Variants in CLPSL1 observed in about 807,000 individuals in gnomAD.
CLPSL1 encodes the protein colipase like 1.
CLPSL1 carries 13 observed loss-of-function variants against 9.3 expected under a neutral mutation model. That is an observed-to-expected ratio of 1.40 (90% CI 0.91 to 2.22). CLPSL1 has a LOEUF of 2.22. Among genes scored for constraint, CLPSL1 ranks in the 30% most tolerant of loss-of-function variants. The probability of loss-of-function intolerance (pLI) is 0.00; values close to 1 mark genes in which losing one functional copy is unlikely to be tolerated. For synonymous variants in CLPSL1, 58 were observed against 56.9 expected, an observed-to-expected ratio of 1.02 and a Z score of -0.08; for missense variants, 164 against 146.6, an observed-to-expected ratio of 1.12 and a Z score of -0.61.
At chr6:35,785,302 C>T (rs1397248913) in intron 1 of CLPSL1, among the ~76,000 whole-genome samples, 5 of 151,676 alleles carry the variant, frequency 3.3e-5, no homozygotes, top group African/African-American at 9.7e-5. Flanking sequence ...CTCAGCCTCC[C>T]AAGTAGCTGG....
rs1306130699 is a variant in CLPSL1 at position 35,787,150 on chromosome 6, G to A, written c.222+30G>A. 8 of 1,607,606 alleles carry A rather than the reference G, an allele frequency of 5.0e-6. No homozygotes were observed. The South Asian group carries it at 8.9e-5, about 18-fold the overall frequency. On this transcript the variant is annotated intron_variant, in intron 2 of 2. Transcript: ENST00000373861. Reference sequence around the variant, plus strand: ...GTATCGCCGCCCGGGGGGAGCCAGAGGGGATCCAGGGGAAGTGGGAGCCAG... The same window carrying A: ...GTATCGCCGCCCGGGGGGAGCCAGAAGGGATCCAGGGGAAGTGGGAGCCAG...
At chr6:35,787,753 C>T (rs1223640271) in intron 2 of CLPSL1, 114 bp from the exon 3 acceptor site, 2 of 1,003,392 alleles carry the variant, frequency 2.0e-6, no homozygotes, top group African/African-American at 1.6e-5. Flanking sequence ...TATCATTTAT[C>T]CCTGGATCCT....
chr6:35,791,093 G>C (rs115528048), downstream of CLPSL1, among the ~76,000 whole-genome samples: 3,100 of 151,868 alleles, frequency 0.02, 60 homozygotes, highest in African/African-American at 0.07. Context: ...ATTTTCAAAT[G>C]CCTTCTGCTC....
At chr6:35,792,273 C>CA (rs36018273), downstream of CLPSL1, among the ~76,000 whole-genome samples, 123 of 138,880 alleles carry the variant, frequency 8.9e-4, no homozygotes, top group Non-Finnish European at 9.5e-4. Context: ...GACCCTGTCT[C>CA]AAAAAAAAAA....
chr6:35,782,117 G>A (rs1040051614), intron 1 of CLPSL1, among the ~76,000 whole-genome samples: 25 of 152,122 alleles, frequency 1.6e-4, no homozygotes, highest in Admixed American at 6.6e-5. Flanking sequence ...TTTTAGCAAA[G>A]ACCTAAAGGG....
chr6:35,787,724 C>G (rs1355398754), intron 2 of CLPSL1, 143 bp from the exon 3 acceptor site: 7 of 796,756 alleles, frequency 8.8e-6, no homozygotes, highest in Non-Finnish European at 1.0e-5. Flanking sequence ...AGAGGTGCCA[C>G]TCTGAGCAGC....
chr6:35,793,150 G>A (rs567314200), downstream of CLPSL1, among the ~76,000 whole-genome samples: 4 of 152,384 alleles, frequency 2.6e-5, no homozygotes, highest in South Asian at 2.1e-4. Flanking sequence ...TGGTCCAGGT[G>A]CCATGGTTCA....
At chr6:35,787,273 G>C (rs1271751327) in intron 2 of CLPSL1, among the ~76,000 whole-genome samples, 153 bp downstream of exon 2, 8 of 152,276 alleles carry the variant, frequency 5.3e-5, no homozygotes, top group African/African-American at 1.9e-4. Flanking sequence ...AAGCCTTCTG[G>C]GGGAGCCTGT....
chr6:35,781,189 C>T lies in CLPSL1; in HGVS notation c.79C>T (p.Pro27Ser). ...LFLLTRGSLS[P>S]TKYNLLELKE... is the part of the protein sequence containing the mutation. ...CCTCCTCACCAGGGGCTCACTTTCTCCAACAAAATACAACCTTTTGGTAAG... is the reference window on the plus strand; with the variant it reads ...CCTCCTCACCAGGGGCTCACTTTCTTCAACAAAATACAACCTTTTGGTAAG... Residue 27 changes from proline to serine, a missense_variant, in exon 1 of 3, where the codon CCA becomes TCA. Pro to Ser is a moderately conservative substitution (Grantham distance 74, BLOSUM62 -1). Coordinates refer to ENST00000373861, the MANE Select transcript of CLPSL1 (RefSeq NM_001010886.5). 10 of 1,613,932 alleles carry T rather than the reference C, an allele frequency of 6.2e-6. No individual in the cohort carries two copies. The highest frequency in any genetic ancestry group is 6.8e-6 in the Non-Finnish European group (8 of 1,179,844).
chr6:35,784,319 G>A (rs1768027514), intron 1 of CLPSL1, among the ~76,000 whole-genome samples: 1 of 152,150 alleles, frequency 6.6e-6, no homozygotes, highest in African/African-American at 2.4e-5. Context: ...TGCAGATGAA[G>A]CCTCCAGTAA....
At chr6:35,791,157 G>T (rs6907802), downstream of CLPSL1, among the ~76,000 whole-genome samples, 1 of 152,032 alleles carries the variant, frequency 6.6e-6, no homozygotes, top group Non-Finnish European at 1.5e-5. Flanking sequence ...CAAGCCATGG[G>T]GATTCCGCTG....
downstream of CLPSL1, among the ~76,000 whole-genome samples, chr6:35,790,297 G>T (rs534326425): frequency 6.6e-6 from 1 of 152,346 alleles, no homozygotes; most frequent in South Asian, 2.1e-4. Flanking sequence ...TTAAAACAAA[G>T]TTGTTAATTT....
At chr6:35,788,499 T>A (rs916177986), downstream of CLPSL1, among the ~76,000 whole-genome samples, 2 of 152,264 alleles carry the variant, frequency 1.3e-5, no homozygotes, top group Non-Finnish European at 2.9e-5. Flanking sequence ...ACTTACTAGA[T>A]GTTAGGGGCC....
downstream of CLPSL1, among the ~76,000 whole-genome samples, chr6:35,788,397 A>C (rs940648285): frequency 1.3e-5 from 2 of 152,278 alleles, no homozygotes; most frequent in African/African-American, 4.8e-5. Flanking sequence ...TTTACACCTG[A>C]TATTCCAGTT....
In CLPSL1 at chr6:35,788,110, A is replaced by C; in HGVS notation, c.*100A>C. 1.2e-6 allele frequency: 1 copy of C among 822,706 alleles called. No individual in the cohort carries two copies. Among genetic ancestry groups the C allele is most frequent in the African/African-American group, 1.8e-5 (1 of 54,140 alleles). 51.0% of individuals were successfully genotyped at this position (822,706 alleles called of 1,614,324 possible). A position where few individuals can be genotyped will look rare whatever the true frequency, so the allele number is the denominator to read the frequency against. On this transcript the variant is annotated 3_prime_UTR_variant, in exon 3 of 3. Transcript: ENST00000373861. ...TCCCCAGAGCCTCCACCATGAGTGG[A>C]GGGAAGTGGGGAGTGATTGAAATAA...
chr6:35,790,569 C>T (rs1358674666), downstream of CLPSL1, among the ~76,000 whole-genome samples: 1 of 152,204 alleles, frequency 6.6e-6, no homozygotes, highest in African/African-American at 2.4e-5. Context: ...GGTTATGTAC[C>T]ATCTCAATAG....
At chr6:35,789,209 G>A (rs1439093761), downstream of CLPSL1, among the ~76,000 whole-genome samples, 1 of 152,270 alleles carries the variant, frequency 6.6e-6, no homozygotes, top group Non-Finnish European at 1.5e-5. Flanking sequence ...GATACCCAAT[G>A]TCTAAGAAGT....
At chr6:35,792,838 G>T (rs1403345575), downstream of CLPSL1, among the ~76,000 whole-genome samples, 1 of 152,260 alleles carries the variant, frequency 6.6e-6, no homozygotes, top group Non-Finnish European at 1.5e-5. Context: ...GCGTGACTCA[G>T]CCCTGCTCAG....
At chr6:35,793,920 A>G (rs576830212), downstream of CLPSL1, among the ~76,000 whole-genome samples, 677 of 152,136 alleles carry the variant, frequency 4.4e-3, no homozygotes, top group African/African-American at 0.015. Context: ...AAGGTAACTC[A>G]TGTTTGATGG....
Sources: allele counts gnomAD v4.1 joint callset (sites outside exome capture counted in the v4.1 genomes callset), GRCh38; gene constraint gnomAD v4.1.1; transcripts MANE v1.5; gene names NCBI Gene and HGNC (gene_info 2026-07-23, HGNC 2026-07-21).